Variants in NUP210 observed in about 807,000 individuals in gnomAD.
NUP210 encodes nucleoporin 210.
In NUP210, 151 loss-of-function variants were observed where a neutral mutation model predicts 196.0. The observed-to-expected ratio is 0.77, with a 90% CI of 0.67 to 0.88. NUP210 has a LOEUF of 0.88. Among genes scored for constraint, NUP210 ranks in the 40% least tolerant of loss-of-function variants. The pLI is 0.00. For missense variants in NUP210, 2,314 were observed against 2,493.7 expected, an observed-to-expected ratio of 0.93 and a Z score of 1.53; for synonymous variants, 1,070 against 1,052.7, an observed-to-expected ratio of 1.02 and a Z score of -0.32.
intron 20 of NUP210, 53 bp from the exon 21 acceptor site, chr3:13,343,356 G>A: frequency 6.3e-7 from 1 of 1,587,688 alleles, no homozygotes; most frequent in Non-Finnish European, 8.6e-7. Flanking sequence ...CGCAGCTGCA[G>A]GGCCCCCCTC....
In NUP210 at chr3:13,373,705, C is replaced by T. The variant is rs1360086564; in HGVS notation, c.1587+13G>A. ...CGAGCCTCCCAGGGGGTGTCTTGGC[C>T]CTGAGATCTCACCTTCATCTCACCG... On this transcript the variant is annotated intron_variant, in intron 12 of 39. Transcript: ENST00000254508. 2 of 1,613,554 alleles carry T rather than the reference C, an allele frequency of 1.2e-6. No homozygotes were observed. Among genetic ancestry groups the T allele is most frequent in the Non-Finnish European group, 8.5e-7 (1 of 1,179,542 alleles).
chr3:13,374,646 GA>G (rs1698840839), intron 11 of NUP210, among the ~76,000 whole-genome samples: 1 of 152,170 alleles, frequency 6.6e-6, no homozygotes, highest in Non-Finnish European at 1.5e-5. Context: ...GGAGTGGGAC[GA>G]ACCCTTGGTC....
rs751720861 is a variant in NUP210, at chr3:13,419,147, T to C, written c.167+913A>G. 7.9e-5 allele frequency among the ~76,000 whole-genome samples: 12 copies of C among 152,286 alleles called. 1 individual carries two copies. In the Middle Eastern group the frequency reaches 0.024, roughly 302 times the overall value. On this transcript the variant is annotated intron_variant, in intron 1 of 39. Transcript: ENST00000254508. Reference sequence around the variant, plus strand: ...GTCACACCCCGTTCTGCCTCAACCTTGACCCAGTCTTGAAACAGAAATAAA... The same window carrying C: ...GTCACACCCCGTTCTGCCTCAACCTCGACCCAGTCTTGAAACAGAAATAAA...
chr3:13,390,632 T>A lies in NUP210; in HGVS notation c.533+579A>T, dbSNP rs896131110. ...CGGATCTGAGTTCAGACTCCAGCTC[T>A]GTCCTCCCGGAGCTCAGACAAGCGG... is the stretch of plus-strand genomic sequence containing the variant. On this transcript the variant is annotated intron_variant, in intron 4 of 39. Coordinates refer to ENST00000254508, the MANE Select transcript of NUP210 (RefSeq NM_024923.4). 2.6e-5 allele frequency among the ~76,000 whole-genome samples: 4 copies of A among 152,190 alleles called. No homozygotes were observed. The East Asian group carries it at 7.7e-4, about 29-fold the overall frequency.
Position 13,391,236 on chromosome 3 carries a change from A to T in NUP210, c.508T>A (p.Phe170Ile). The stretch of plus-strand genomic sequence containing the variant: ...CGCAGCGCATTGTGGGAGTCTGAGA[A>T]CCTGTCCGCCTCGGAGTCCTTCACA... ...TIVKDSEADR[F>I]SDSHNALRIL... Residue 170 changes from phenylalanine (F) to isoleucine (I), a missense_variant, in exon 4 of 40, where the codon TTC becomes ATC. Physicochemically the swap from Phe to Ile is conservative, Grantham distance 21. Transcript: ENST00000254508. The T allele has an allele frequency of 6.2e-7, 1 of 1,612,768 alleles. No individual in the cohort carries two copies.
Position 13,335,536 on chromosome 3 carries a change from C to G in NUP210, c.3761G>C (p.Arg1254Thr). Residue 1254 changes from arginine to threonine, a missense_variant, in exon 28 of 40, where the codon AGG becomes ACG. By Grantham distance (71) the Arg-to-Thr change is moderately conservative (BLOSUM62 -1). Coordinates refer to ENST00000254508, the MANE Select transcript of NUP210 (RefSeq NM_024923.4). ...GGGGTCCACAGCCTTGACCACCACC[C>G]TCAGCCCGGTCCGGCCTTTTACCCG... Reference protein sequence around the residue: ...LGRVKGRTGLRVVVKAVDPTS... With the variant: ...LGRVKGRTGLTVVVKAVDPTS... The G allele has an allele frequency of 6.2e-7, 1 of 1,614,120 alleles. No individual in the cohort carries two copies.
At chr3:13,332,488 G>C (rs1697037265) in intron 28 of NUP210, 104 bp from the exon 29 acceptor site, 2 of 848,922 alleles carry the variant, frequency 2.4e-6, no homozygotes, top group East Asian at 2.5e-5. Context: ...GGGCCAGAGA[G>C]GAGAAAAGCG....
chr3:13,410,745 G>A (rs1396274334), intron 1 of NUP210, among the ~76,000 whole-genome samples: 3 of 145,690 alleles, frequency 2.1e-5, no homozygotes, highest in Non-Finnish European at 3.0e-5. Context: ...GTGAAACCCC[G>A]TCTCCATTAA....
At chr3:13,343,083 CA>C in intron 21 of NUP210, 91 bp downstream of exon 21, 1 of 1,503,700 alleles carries the variant, frequency 6.7e-7, no homozygotes, top group East Asian at 2.3e-5. Flanking sequence ...GGAGCAAAAG[CA>C]AAGGCCATGC....
intron 32 of NUP210, 71 bp from the exon 33 acceptor site, chr3:13,326,002 G>C (rs1696736703): frequency 6.3e-7 from 1 of 1,576,860 alleles, no homozygotes; most frequent in African/African-American, 1.3e-5. Context: ...AGCTCACCTG[G>C]ATGACAGGCC....
intron 6 of NUP210, among the ~76,000 whole-genome samples, chr3:13,380,469 G>A (rs992357264): frequency 1.3e-5 from 2 of 152,192 alleles, no homozygotes; most frequent in African/African-American, 4.8e-5. Context: ...TTTGGGGATA[G>A]GGGACTGAGG....
intron 6 of NUP210, among the ~76,000 whole-genome samples, chr3:13,385,071 A>G (rs1413891828): frequency 6.6e-6 from 1 of 152,216 alleles, no homozygotes; most frequent in Admixed American, 6.5e-5. Flanking sequence ...CTTGCCAGAA[A>G]GAACTGGGCC....
chr3:13,326,049 TCACTC>T, intron 32 of NUP210, 118 bp from the exon 33 acceptor site: 1 of 1,329,340 alleles, frequency 7.5e-7, no homozygotes, highest in Non-Finnish European at 1.0e-6. Context: ...CCATGGGGGC[TCACTC>T]AGCAGCCTCA....
At chr3:13,353,415 C>T (rs943781257) in intron 18 of NUP210, 139 bp downstream of exon 18, 1 of 693,954 alleles carries the variant, frequency 1.4e-6, no homozygotes. Flanking sequence ...CTCCTGGGGC[C>T]TCCAAGAGGC....
chr3:13,412,303 A>G (rs1700203858), intron 1 of NUP210, among the ~76,000 whole-genome samples: 1 of 141,260 alleles, frequency 7.1e-6, no homozygotes, highest in African/African-American at 2.8e-5. Flanking sequence ...CCTGAGCTTA[A>G]GCGATCCTCC....
chr3:13,417,054 A>C (rs1259495525), intron 1 of NUP210, among the ~76,000 whole-genome samples: 1 of 152,204 alleles, frequency 6.6e-6, no homozygotes, highest in East Asian at 1.9e-4. Context: ...GGAATCAGGA[A>C]CTTGTCACAA....
chr3:13,320,052 C>T lies in NUP210; in HGVS notation c.5167-73G>A, dbSNP rs1263723079. ...GACCACTGAGCGGGGCCTCAGGACC[C>T]CGAGGCGGGAGGGCTGCTCTGCATG... On this transcript the variant is annotated intron_variant, in intron 36 of 39. Transcript: ENST00000254508. 4.3e-6 allele frequency: 6 copies of T among 1,397,720 alleles called. No individual in the cohort carries two copies. In the African/African-American group the frequency reaches 5.7e-5, roughly 13 times the overall value. The allele number at this position is 1,397,720 out of a possible 1,614,324, so 86.6% of individuals were successfully genotyped here. A position where few individuals can be genotyped will look rare whatever the true frequency, so the allele number is the denominator to read the frequency against.
chr3:13,417,901 A>G (rs1576435747), intron 1 of NUP210, among the ~76,000 whole-genome samples: 1 of 152,226 alleles, frequency 6.6e-6, no homozygotes, highest in Admixed American at 6.5e-5. Context: ...CCTCTCAGAA[A>G]AGAAAATGAT....
intron 3 of NUP210, among the ~76,000 whole-genome samples, chr3:13,395,407 T>A (rs1699619715): frequency 6.6e-6 from 1 of 152,186 alleles, no homozygotes; most frequent in Non-Finnish European, 1.5e-5. Context: ...AGCCTCCGCC[T>A]CCTGGGCTCA....
Sources: allele counts gnomAD v4.1 joint callset (sites outside exome capture counted in the v4.1 genomes callset), GRCh38; gene constraint gnomAD v4.1.1; transcripts MANE v1.5; gene names NCBI Gene and HGNC (gene_info 2026-07-23, HGNC 2026-07-21).